FAM117B: variants seen among roughly 807,000 people sequenced by gnomAD.
FAM117B encodes the protein family with sequence similarity 117 member B, also known as protein FAM117B.
In FAM117B, 22 loss-of-function variants were observed where a neutral mutation model predicts 52.8. That is an observed-to-expected ratio of 0.42 (90% confidence interval 0.30 to 0.59). The LOEUF is 0.59. FAM117B is among the 20% of genes least tolerant of loss of function. FAM117B has a pLI of 0.22. For synonymous variants in FAM117B, 309 were observed against 324.1 expected (o/e 0.95, Z 0.50); for missense variants, 678 against 802.6 (o/e 0.84, Z 1.88).
At chr2:202,689,356 C>A (rs1690588792) in intron 1 of FAM117B, among the ~76,000 whole-genome samples, 1 of 152,094 alleles carries the variant, frequency 6.6e-6, no homozygotes, top group African/African-American at 2.4e-5. Context: ...GTGGGAGGAT[C>A]ACTTGAACCT....
At chr2:202,662,871 T>G (rs1220405266) in intron 1 of FAM117B, among the ~76,000 whole-genome samples, 1 of 152,032 alleles carries the variant, frequency 6.6e-6, no homozygotes, top group African/African-American at 2.4e-5. Flanking sequence ...AAAGAAATGA[T>G]AAATGTTTAA....
At chr2:202,716,317 T>G (rs892926455) in intron 2 of FAM117B, among the ~76,000 whole-genome samples, 1 of 152,094 alleles carries the variant, frequency 6.6e-6, no homozygotes, top group Non-Finnish European at 1.5e-5. Flanking sequence ...TCATTGGGTG[T>G]GTTGTTTTTA....
In FAM117B at chr2:202,665,562, G is replaced by T. The variant is rs557089282; in HGVS notation, c.601+29774G>T. 2.6e-5 allele frequency among the ~76,000 whole-genome samples: 4 copies of T among 152,144 alleles called. No individual in the cohort carries two copies. In the South Asian group the frequency reaches 8.3e-4, roughly 32 times the overall value. ...GATGTAATCGTGGATGTGATATCTCGTTGTGTTTTCAGTCCTGGGGATTAG... is the reference window on the plus strand; with the variant it reads ...GATGTAATCGTGGATGTGATATCTCTTTGTGTTTTCAGTCCTGGGGATTAG... On this transcript the variant is annotated intron_variant, in intron 1 of 7. Coordinates refer to ENST00000392238, the MANE Select transcript of FAM117B (RefSeq NM_173511.4).
chr2:202,704,029 A>C (rs1690836324), intron 2 of FAM117B, among the ~76,000 whole-genome samples: 1 of 152,182 alleles, frequency 6.6e-6, no homozygotes, highest in African/African-American at 2.4e-5. Context: ...TGTAATTGTT[A>C]GGATTTGTTT....
intron 1 of FAM117B, among the ~76,000 whole-genome samples, chr2:202,687,609 C>T (rs1201319813): frequency 1.3e-5 from 2 of 152,124 alleles, no homozygotes; most frequent in African/African-American, 4.8e-5. Flanking sequence ...GGGGGTCTTA[C>T]TGTGTTGCCC....
At chr2:202,654,051 A>AAGAG (rs1186574826) in intron 1 of FAM117B, among the ~76,000 whole-genome samples, 7 of 134,750 alleles carry the variant, frequency 5.2e-5, no homozygotes, top group Non-Finnish European at 9.4e-5. Context: ...GGGGTGCGGG[A>AAGAG]AGAGAGTGAG....
intron 1 of FAM117B, among the ~76,000 whole-genome samples, chr2:202,691,650 TG>T (rs1367822310): frequency 9.1e-5 from 2 of 21,928 alleles, no homozygotes; most frequent in Non-Finnish European, 1.5e-4. Flanking sequence ...CAGTTTACAT[TG>T]TGTGTGTGTG....
intron 2 of FAM117B, among the ~76,000 whole-genome samples, chr2:202,696,799 C>CT (rs1460543417): frequency 6.6e-6 from 1 of 152,206 alleles, no homozygotes; most frequent in Non-Finnish European, 1.5e-5. Context: ...GGCGGGATGG[C>CT]TTACGCCTAT....
Position 202,726,382 on chromosome 2 carries a change from CA to C in FAM117B, c.960+23del. 1 of 1,534,128 alleles carries C rather than the reference CA, an allele frequency of 6.5e-7. No homozygotes were observed. The highest frequency in any genetic ancestry group is 8.9e-7 in the Non-Finnish European group (1 of 1,122,274). On this transcript the variant is annotated intron_variant, in intron 4 of 7. Transcript: ENST00000392238. ...GTGTCAGGTAAGAGTACCAATACCA[CA>C]AAATCCAGAAAAGGAATTTGTTGTT...
At chr2:202,704,907 T>A (rs115641738) in intron 2 of FAM117B, among the ~76,000 whole-genome samples, 1,628 of 152,112 alleles carry the variant, frequency 0.011, 34 homozygotes, top group African/African-American at 0.038. Flanking sequence ...CTGGCCTGAT[T>A]TTGAAATAAT....
At chr2:202,710,128 G>GA (rs1473902509) in intron 2 of FAM117B, among the ~76,000 whole-genome samples, 2 of 152,098 alleles carry the variant, frequency 1.3e-5, no homozygotes, top group Non-Finnish European at 2.9e-5. Flanking sequence ...AGTTTCACAC[G>GA]AGTTTTAGAA....
chr2:202,717,469 C>CA (rs1248342678), intron 2 of FAM117B, among the ~76,000 whole-genome samples: 2 of 151,844 alleles, frequency 1.3e-5, no homozygotes, highest in East Asian at 3.9e-4. Flanking sequence ...GATCCTGTCT[C>CA]AAAAAAACAA....
At chr2:202,707,924 T>A (rs1690898933) in intron 2 of FAM117B, among the ~76,000 whole-genome samples, 1 of 151,764 alleles carries the variant, frequency 6.6e-6, no homozygotes, top group Non-Finnish European at 1.5e-5. Context: ...TGTGCCAGCA[T>A]GCCCAGCTCA....
chr2:202,751,771 C>CAAAAAAAAAAAAAA (rs397868272), intron 4 of FAM117B, among the ~76,000 whole-genome samples: 1 of 76,218 alleles, frequency 1.3e-5, no homozygotes, highest in Non-Finnish European at 2.4e-5. Flanking sequence ...GACTCCATCT[C>CAAAAAAAAAAAAAA]AAAAAAAAAA....
rs1340497927 is a variant in FAM117B, at chr2:202,721,394, CCT to C, written c.754-3520_754-3519del. 2.6e-5 allele frequency among the ~76,000 whole-genome samples: 4 copies of C among 151,972 alleles called. No individual in the cohort carries two copies. In the East Asian group the frequency reaches 5.8e-4, roughly 22 times the overall value. On this transcript the variant is annotated intron_variant, in intron 2 of 7. Coordinates refer to ENST00000392238, the MANE Select transcript of FAM117B (RefSeq NM_173511.4). ...TTCATAAAACTTATTCTGTTTCTAT[CCT>C]CTGTTTTACATGAAATTATTATGGT...
chr2:202,667,193 TG>T (rs1690219115), intron 1 of FAM117B, among the ~76,000 whole-genome samples: 1 of 152,030 alleles, frequency 6.6e-6, no homozygotes, highest in African/African-American at 2.4e-5. Context: ...CTCCGCCTCC[TG>T]GGTTCAAGCA....
rs555020483 is a variant in FAM117B, at chr2:202,742,911, C to T, written c.961-12627C>T. ...ACCTCTTGGGAGTCTGAGGATTGGCCCATGCAGCCTGCTGCTGCCACTGAG... is the reference window on the plus strand; with the variant it reads ...ACCTCTTGGGAGTCTGAGGATTGGCTCATGCAGCCTGCTGCTGCCACTGAG... On this transcript the variant is annotated intron_variant, in intron 4 of 7. Coordinates refer to ENST00000392238, the MANE Select transcript of FAM117B (RefSeq NM_173511.4). Among the ~76,000 whole-genome samples the T allele has an allele frequency of 3.3e-5, 5 of 152,286 alleles. 1 individual carries two copies. The highest frequency in any genetic ancestry group is 2.6e-4 in the Admixed American group (4 of 15,302).
At chr2:202,662,148 A>ATG (rs1348928063) in intron 1 of FAM117B, among the ~76,000 whole-genome samples, 7 of 150,860 alleles carry the variant, frequency 4.6e-5, no homozygotes, top group South Asian at 2.1e-4. Context: ...GTATGTGTGT[A>ATG]TGTGTGTGTG....
At chr2:202,724,051 C>CTTTTTTTTTTT (rs34063266) in intron 2 of FAM117B, among the ~76,000 whole-genome samples, 2 of 89,794 alleles carry the variant, frequency 2.2e-5, no homozygotes, top group African/African-American at 4.6e-5. Context: ...TAAGGTTTAA[C>CTTTTTTTTTTT]TTTTTTTTTT....
Sources: allele counts gnomAD v4.1 joint callset (sites outside exome capture counted in the v4.1 genomes callset), GRCh38; gene constraint gnomAD v4.1.1; transcripts MANE v1.5; gene names NCBI Gene and HGNC (gene_info 2026-07-23, HGNC 2026-07-21).